Variants in OGFOD3 observed in about 807,000 individuals in gnomAD.
OGFOD3 encodes the protein 2-oxoglutarate and iron-dependent oxygenase domain-containing protein 3.
Under a neutral mutation model 39.8 loss-of-function variants are expected in OGFOD3, and 35 were observed. The ratio of observed to expected loss-of-function variants is 0.88; its 90% confidence interval spans 0.67 to 1.17. The LOEUF is 1.17. Ranked by LOEUF, OGFOD3 falls within the 50% of genes most tolerant of loss-of-function variation. The pLI is 0.00. For missense variants in OGFOD3, 438 were observed against 454.5 expected, an observed-to-expected ratio of 0.96 and a Z score of 0.33; for synonymous variants, 200 against 192.0, an observed-to-expected ratio of 1.04 and a Z score of -0.34.
chr17:82,407,870 C>T (rs192230416), intron 4 of OGFOD3, among the ~76,000 whole-genome samples: 276 of 152,310 alleles, frequency 1.8e-3, no homozygotes, highest in Middle Eastern at 3.4e-3. Context: ...AGGCCGGGCA[C>T]GGTGGTTCAC....
chr17:82,418,302 CCA>C (rs1341837305), intron 1 of OGFOD3, 108 bp downstream of exon 1: 27 of 141,104 alleles, frequency 1.9e-4, no homozygotes, highest in African/African-American at 3.2e-4. Flanking sequence ...CTGCCCCCCC[CCA>C]CCCCCCCACC....
intron 7 of OGFOD3, among the ~76,000 whole-genome samples, chr17:82,402,119 G>A (rs1012589472): frequency 1.3e-5 from 2 of 152,094 alleles, no homozygotes; most frequent in Admixed American, 1.3e-4. Flanking sequence ...TATTAGCCGT[G>A]CTTTACTTTT....
intron 7 of OGFOD3, 192 bp downstream of exon 7, chr17:82,403,745 C>T: frequency 2.7e-6 from 2 of 739,236 alleles, no homozygotes; most frequent in Non-Finnish European, 4.5e-6. Context: ...CATGCGCGCT[C>T]ACCCTGTCCA....
In OGFOD3 at chr17:82,404,172, G is replaced by T. The variant is rs760812552; in HGVS notation, c.546-82C>A. The T allele has an allele frequency of 6.9e-7, 1 of 1,440,594 alleles. No homozygotes were observed. 89.2% of individuals were successfully genotyped at this position (1,440,594 alleles called of 1,614,324 possible). On this transcript the variant is annotated intron_variant, in intron 6 of 8. Coordinates refer to ENST00000313056, the MANE Select transcript of OGFOD3 (RefSeq NM_024648.3). This position sits in a 1 kb window ranked among gnomAD's most constrained non-coding sequence, Gnocchi z 4.5. ...GTCCCAACCCGTGGGTGGCAGGAAA[G>T]GAACCAGCCTTCGTACGGCTCCGGG...
intron 2 of OGFOD3, 159 bp from the exon 3 acceptor site, chr17:82,411,689 A>G (rs1055630392): frequency 4.4e-5 from 26 of 593,254 alleles, no homozygotes; most frequent in Non-Finnish European, 7.1e-5. Flanking sequence ...TGTGCGGTGC[A>G]TCTGGAGTTC....
chr17:82,416,053 A>G (rs1175287446), intron 1 of OGFOD3, among the ~76,000 whole-genome samples: 1 of 151,464 alleles, frequency 6.6e-6, no homozygotes, highest in Non-Finnish European at 1.5e-5. Flanking sequence ...ACATGGTGAA[A>G]CCCTGTCTCT....
rs894265257 is a variant in OGFOD3, at chr17:82,411,695, A to T, written c.305-165T>A. The T allele has an allele frequency of 8.7e-6, 5 of 576,458 alleles. No individual in the cohort carries two copies. In the African/African-American group the frequency reaches 9.6e-5, roughly 11 times the overall value. 35.7% of individuals were successfully genotyped at this position (576,458 alleles called of 1,614,324 possible). On this transcript the variant is annotated intron_variant, in intron 2 of 8. Coordinates refer to ENST00000313056, the MANE Select transcript of OGFOD3 (RefSeq NM_024648.3). ...CATGCGCTTTGTGCGGTGCATCTGG[A>T]GTTCACGTCTCACTGGGCCACCTTG...
intron 1 of OGFOD3, among the ~76,000 whole-genome samples, chr17:82,417,612 C>T (rs1188409307): frequency 1.3e-5 from 1 of 75,568 alleles, no homozygotes; most frequent in African/African-American, 6.1e-5. Context: ...GAGCGAGCCT[C>T]TGTCTCAAAA....
intron 4 of OGFOD3, among the ~76,000 whole-genome samples, chr17:82,407,232 T>A (rs1425763439): frequency 1.3e-5 from 2 of 150,686 alleles, no homozygotes; most frequent in Non-Finnish European, 2.9e-5. Flanking sequence ...GCCATTGCAC[T>A]CCAGCCTGGG....
In OGFOD3 at chr17:82,404,741, C is replaced by CTTTTTTTTTTT. The variant is rs869251737; in HGVS notation, c.545+572_545+582dup. Reference sequence around the variant, plus strand: ...CCAGCAGAATTTTTTCTTTTCTTTTCTTTTTTTTTTTTTTTTTTGAGATGA... The same window carrying CTTTTTTTTTTT: ...CCAGCAGAATTTTTTCTTTTCTTTTCTTTTTTTTTTTTTTTTTTTTTTTTTTTTTGAGATGA... On this transcript the variant is annotated intron_variant, in intron 6 of 8. Transcript: ENST00000313056. This position sits in a 1 kb window ranked among gnomAD's most constrained non-coding sequence, Gnocchi z 4.5. Among the ~76,000 whole-genome samples the CTTTTTTTTTTT allele has an allele frequency of 7.5e-6, 1 of 133,188 alleles. No homozygotes were observed. 87.4% of individuals were successfully genotyped at this position (133,188 alleles called of 152,430 possible).
rs1225480880 is a variant in OGFOD3 at position 82,389,709 on chromosome 17, T to G, written c.*2689A>C. ...TTGTACAGACAGCGTCTCACTATGT[T>G]GCACAGATGGGTCTCCAACTCCTGG... is the stretch of plus-strand genomic sequence containing the variant. On this transcript the variant is annotated 3_prime_UTR_variant, in exon 9 of 9. Transcript: ENST00000313056. The surrounding 1 kb of genome is among the most constrained non-coding windows in gnomAD (Gnocchi z 4.6). 1 of 152,202 alleles carries G rather than the reference T, an allele frequency of 6.6e-6. No homozygotes were observed. The highest frequency in any genetic ancestry group is 1.5e-5 in the Non-Finnish European group (1 of 68,046). 9.4% of individuals were successfully genotyped at this position (152,202 alleles called of 1,614,324 possible). A position where few individuals can be genotyped will look rare whatever the true frequency, so the allele number is the denominator to read the frequency against.
Position 82,406,508 on chromosome 17 carries a change from C to T in OGFOD3, c.424-26G>A, listed in dbSNP as rs551120317. 114 of 1,604,208 alleles carry T rather than the reference C, an allele frequency of 7.1e-5. 1 individual carries two copies. The South Asian group carries it at 7.2e-4, about 10-fold the overall frequency. ...CTGGAAAAGACGTTGTGGAGTAAAG[C>T]GTGCAGCCGCAGCAATGGCAATGGC... On this transcript the variant is annotated intron_variant, in intron 4 of 8. Transcript: ENST00000313056. This position sits in a 1 kb window ranked among gnomAD's most constrained non-coding sequence, Gnocchi z 5.2.
At chr17:82,408,483 G>A (rs1296271499) in intron 4 of OGFOD3, among the ~76,000 whole-genome samples, 1 of 152,222 alleles carries the variant, frequency 6.6e-6, no homozygotes. Flanking sequence ...ACAGCCGGCG[G>A]TGGCTCCATG....
chr17:82,409,212 A>G (rs1346465745), intron 4 of OGFOD3, among the ~76,000 whole-genome samples, 156 bp downstream of exon 4: 1 of 152,232 alleles, frequency 6.6e-6, no homozygotes, highest in African/African-American at 2.4e-5. Flanking sequence ...AGTCAGGCGC[A>G]GCTGCTGCGG....
intron 4 of OGFOD3, among the ~76,000 whole-genome samples, chr17:82,408,907 C>G (rs1390174827): frequency 6.6e-6 from 1 of 152,212 alleles, no homozygotes; most frequent in Non-Finnish European, 1.5e-5. Flanking sequence ...GGGACGACAG[C>G]CCCACAGGGC....
Position 82,416,886 on chromosome 17 carries a change from G to A in OGFOD3, c.75-1259C>T, listed in dbSNP as rs183630029. 2.6e-4 allele frequency among the ~76,000 whole-genome samples: 39 copies of A among 152,104 alleles called. 1 individual carries two copies. The highest frequency in any genetic ancestry group is 3.4e-3 in the Middle Eastern group (1 of 294). On this transcript the variant is annotated intron_variant, in intron 1 of 8. Coordinates refer to ENST00000313056, the MANE Select transcript of OGFOD3 (RefSeq NM_024648.3). ...GACGGGGTTTCACCACGTTGGTCAG[G>A]CTGGTCTCGAACTCCTGACCTCAAG...
In OGFOD3 at chr17:82,392,775, T is replaced by C. The variant is rs1314734700; in HGVS notation, c.824-241A>G. Reference sequence around the variant, plus strand: ...CCCCCCGGGGCCAGCAGGGACTCTGTGGTGGGCAGGACAGAGGAAGATGCT... The same window carrying C: ...CCCCCCGGGGCCAGCAGGGACTCTGCGGTGGGCAGGACAGAGGAAGATGCT... On this transcript the variant is annotated intron_variant, in intron 8 of 8. Transcript: ENST00000313056. The surrounding 1 kb of genome is among the most constrained non-coding windows in gnomAD (Gnocchi z 4.2). The C allele has an allele frequency of 1.1e-5, 6 of 560,940 alleles. No homozygotes were observed. The highest frequency in any genetic ancestry group is 1.9e-5 in the Non-Finnish European group (6 of 316,710). 34.7% of individuals were successfully genotyped at this position (560,940 alleles called of 1,614,324 possible). A position where few individuals can be genotyped will look rare whatever the true frequency, so the allele number is the denominator to read the frequency against.
intron 4 of OGFOD3, among the ~76,000 whole-genome samples, chr17:82,407,358 A>C (rs572558438): frequency 6.6e-6 from 1 of 152,114 alleles, no homozygotes; most frequent in South Asian, 2.1e-4. Context: ...GTCTGGAGCC[A>C]TCTCCGTGCA....
In OGFOD3 at chr17:82,404,819, C is replaced by A. The variant is rs548145480; in HGVS notation, c.545+505G>T. Among the ~76,000 whole-genome samples, 37 of 150,718 alleles carry A rather than the reference C, an allele frequency of 2.5e-4. No individual in the cohort carries two copies. The highest frequency in any genetic ancestry group is 6.6e-4 in the Admixed American group (10 of 15,136). ...GCAGTGGTGCAATCTCAGCTCACTGCAACCTCCACCTCCGGGGTTTAAGCA... is the reference window on the plus strand; with the variant it reads ...GCAGTGGTGCAATCTCAGCTCACTGAAACCTCCACCTCCGGGGTTTAAGCA... On this transcript the variant is annotated intron_variant, in intron 6 of 8. Coordinates refer to ENST00000313056, the MANE Select transcript of OGFOD3 (RefSeq NM_024648.3). The surrounding 1 kb of genome is among the most constrained non-coding windows in gnomAD (Gnocchi z 4.5).
Sources: gnomAD v4.1 joint callset for allele counts (sites outside exome capture counted in the v4.1 genomes callset) on GRCh38, gnomAD v4.1.1 for gene constraint, Gnocchi (gnomAD v3.1) non-coding constraint, MANE v1.5 for transcripts, NCBI Gene and HGNC (gene_info 2026-07-23, HGNC 2026-07-21) for gene names.